The following KIF13B variants were observed in gnomAD, a reference collection of about 807,000 sequenced individuals.
The protein encoded by KIF13B is kinesin family member 13B, also known as kinesin-like protein KIF13B.
In KIF13B, 127 loss-of-function variants were observed where a neutral mutation model predicts 222.0. The observed-to-expected ratio is 0.57, with a 90% CI of 0.50 to 0.66. KIF13B has a LOEUF of 0.66. Among genes scored for constraint, KIF13B ranks in the 30% least tolerant of loss-of-function variants. The pLI is 0.00. For synonymous variants in KIF13B, 976 were observed against 919.0 expected, an observed-to-expected ratio of 1.06 and a Z score of -1.12; for missense variants, 2,173 against 2,379.0, an observed-to-expected ratio of 0.91 and a Z score of 1.80.
chr8:29,232,449 T>C (rs1815328383), intron 2 of KIF13B, among the ~76,000 whole-genome samples: 1 of 148,070 alleles, frequency 6.8e-6, no homozygotes, highest in East Asian at 1.9e-4. Flanking sequence ...TAAATATATA[T>C]ATATATACTT....
intron 1 of KIF13B, among the ~76,000 whole-genome samples, chr8:29,246,587 T>C (rs1816033349): frequency 6.6e-6 from 1 of 152,134 alleles, no homozygotes; most frequent in Non-Finnish European, 1.5e-5. Flanking sequence ...AACTAGCTTT[T>C]TTATAAAAAC....
rs532989385 is a variant in KIF13B at position 29,121,100 on chromosome 8, G to C, written c.3535+1491C>G. Among the ~76,000 whole-genome samples the C allele has an allele frequency of 3.3e-5, 5 of 151,730 alleles. No homozygotes were observed. The South Asian group carries it at 1.0e-3, about 32-fold the overall frequency. On this transcript the variant is annotated intron_variant, in intron 29 of 39. Transcript: ENST00000524189. ...TATTAGCCCTTTGTCAGATGAGTAG[G>C]TTGCGAAATCGTGAAAATGGCCATA...
chr8:29,077,851 C>T (rs186523878), intron 37 of KIF13B, among the ~76,000 whole-genome samples: 17 of 152,222 alleles, frequency 1.1e-4, no homozygotes, highest in Admixed American at 7.2e-4. Context: ...ATGCGGGGGG[C>T]GTGGCACCAG....
At chr8:29,076,142 T>C (rs1170856474) in intron 37 of KIF13B, among the ~76,000 whole-genome samples, 1 of 152,208 alleles carries the variant, frequency 6.6e-6, no homozygotes, top group East Asian at 1.9e-4. Context: ...AGAGCATCAT[T>C]CTGTTGCTGC....
At chr8:29,131,099 T>C (rs1810322802) in intron 23 of KIF13B, among the ~76,000 whole-genome samples, 1 of 152,148 alleles carries the variant, frequency 6.6e-6, no homozygotes, top group Non-Finnish European at 1.5e-5. Flanking sequence ...TGTTCTCGCT[T>C]ATAAGTGGGA....
chr8:29,077,627 C>A (rs1807624891), intron 37 of KIF13B, among the ~76,000 whole-genome samples: 1 of 152,214 alleles, frequency 6.6e-6, no homozygotes, highest in Non-Finnish European at 1.5e-5. Context: ...AACATGAAAC[C>A]TTTTCTAAAA....
At chr8:29,129,415 C>T (rs1447085205) in intron 24 of KIF13B, among the ~76,000 whole-genome samples, 1 of 152,172 alleles carries the variant, frequency 6.6e-6, no homozygotes, top group African/African-American at 2.4e-5. Context: ...TTTCACTTTG[C>T]TAAAATTTAT....
rs181287486 is a variant in KIF13B at position 29,097,730 on chromosome 8, C to T, written c.4324+1403G>A. The stretch of plus-strand genomic sequence containing the variant: ...TGAAATGCAGAAAAATTTAAAAAAT[C>T]AATTGCAATAGAAAAAGCCAAAAAC... On this transcript the variant is annotated intron_variant, in intron 36 of 39. Transcript: ENST00000524189. Among the ~76,000 whole-genome samples, 365 of 152,128 alleles carry T rather than the reference C, an allele frequency of 2.4e-3. 2 individuals are homozygous for T. The highest frequency in any genetic ancestry group is 8.3e-3 in the African/African-American group (346 of 41,488).
chr8:29,191,368 G>C (rs1395817739), intron 3 of KIF13B, among the ~76,000 whole-genome samples: 4 of 151,946 alleles, frequency 2.6e-5, no homozygotes, highest in Non-Finnish European at 4.4e-5. Context: ...TCTGTTTCAT[G>C]TTTTTATATT....
chr8:29,185,965 G>A (rs1225147354), intron 6 of KIF13B, among the ~76,000 whole-genome samples: 1 of 152,150 alleles, frequency 6.6e-6, no homozygotes, highest in East Asian at 1.9e-4. Context: ...GAAATCATGG[G>A]CACTTGTTTT....
intron 2 of KIF13B, among the ~76,000 whole-genome samples, chr8:29,230,799 T>C (rs1264647729): frequency 6.6e-6 from 1 of 152,220 alleles, no homozygotes; most frequent in Non-Finnish European, 1.5e-5. Context: ...AAGCAGAATC[T>C]GAAACCCTAA....
chr8:29,193,000 A>AG (rs1813254634), intron 3 of KIF13B, among the ~76,000 whole-genome samples: 1 of 152,056 alleles, frequency 6.6e-6, no homozygotes, highest in South Asian at 2.1e-4. Flanking sequence ...GGGCAACTAA[A>AG]GGGGGAGGCA....
chr8:29,122,396 G>A (rs1257167740), intron 29 of KIF13B, among the ~76,000 whole-genome samples, 195 bp downstream of exon 29: 1 of 152,292 alleles, frequency 6.6e-6, no homozygotes, highest in Non-Finnish European at 1.5e-5. Context: ...GGTGAAGCAC[G>A]CCTATTATTG....
rs1015169986 is a variant in KIF13B at position 29,069,352 on chromosome 8, A to G, written c.*1152T>C. On this transcript the variant is annotated 3_prime_UTR_variant, in exon 40 of 40. Transcript: ENST00000524189. ...TGAGGGTCTGGAGACTAACCAGCAC[A>G]CTCCCTGCACCAGCCCAGCCGCCAG... is the stretch of plus-strand genomic sequence containing the variant. 1 of 152,000 alleles carries G rather than the reference A, an allele frequency of 6.6e-6. No individual in the cohort carries two copies. Among genetic ancestry groups the G allele is most frequent in the East Asian group, 1.9e-4 (1 of 5,148 alleles). 9.4% of individuals were successfully genotyped at this position (152,000 alleles called of 1,614,324 possible).
At position 29,127,223 on chromosome 8, in the gene KIF13B, A is replaced by T. The variant is rs1489018645; in HGVS notation, c.3121T>A (p.Ser1041Thr). Residue 1041 changes from serine (S) to threonine (T), a missense_variant, in exon 25 of 40, where the codon TCT (serine) becomes ACT (threonine). Coordinates refer to ENST00000524189, the MANE Select transcript of KIF13B (RefSeq NM_015254.4). ...VQVEVKSVQE[S>T]GTLPLMEECI... ...TCTTCCATCAGTGGTAAAGTCCCAG[A>T]TTCCTGCACTGACTTCACTTCGACT... The T allele has an allele frequency of 6.2e-7, 1 of 1,613,954 alleles. No individual in the cohort carries two copies. The highest frequency in any genetic ancestry group is 1.7e-5 in the Admixed American group (1 of 60,010).
chr8:29,090,649 C>G (rs932351998), intron 37 of KIF13B, among the ~76,000 whole-genome samples: 26 of 152,156 alleles, frequency 1.7e-4, no homozygotes, highest in African/African-American at 6.3e-4. Context: ...AATGTTCTGG[C>G]TTTACTACCA....
chr8:29,132,102 C>A (rs1164135224), intron 23 of KIF13B, among the ~76,000 whole-genome samples: 1 of 152,076 alleles, frequency 6.6e-6, no homozygotes, highest in Non-Finnish European at 1.5e-5. Flanking sequence ...CAAAAATTAG[C>A]CAGGCGTGGT....
At chr8:29,195,087 A>C (rs1290961108) in intron 3 of KIF13B, among the ~76,000 whole-genome samples, 4 of 152,108 alleles carry the variant, frequency 2.6e-5, no homozygotes, top group South Asian at 4.1e-4. Context: ...GTCTCTACCA[A>C]AAATACAAAA....
rs145111193 is a variant in KIF13B, at chr8:29,096,747, G to A, written c.4324+2386C>T. 2.1e-3 allele frequency among the ~76,000 whole-genome samples: 314 copies of A among 152,156 alleles called. 2 individuals are homozygous for A. The highest frequency in any genetic ancestry group is 7.4e-3 in the African/African-American group (306 of 41,514). On this transcript the variant is annotated intron_variant, in intron 36 of 39. Coordinates refer to ENST00000524189, the MANE Select transcript of KIF13B (RefSeq NM_015254.4). ...CTGTATTTGTGAGGTGAGGGGTGAC[G>A]TCATATGAACTCTAAGCGATTTGAT...
Sources: allele counts gnomAD v4.1 joint callset (sites outside exome capture counted in the v4.1 genomes callset), GRCh38; gene constraint gnomAD v4.1.1; transcripts MANE v1.5; gene names NCBI Gene and HGNC (gene_info 2026-07-23, HGNC 2026-07-21).